Variants in RBFOX2 observed in about 807,000 individuals in gnomAD.
RBFOX2 encodes RNA binding protein fox-1 homolog 2.
RBFOX2 carries 10 observed loss-of-function variants against 49.1 expected under a neutral mutation model. The ratio of observed to expected loss-of-function variants is 0.20; its 90% CI spans 0.13 to 0.35. The LOEUF (loss-of-function observed/expected upper bound fraction) is 0.35. Among genes scored for constraint, RBFOX2 ranks in the 10% least tolerant of loss-of-function variants. The probability of loss-of-function intolerance (pLI) is 1.00; values close to 1 mark genes in which losing one functional copy is unlikely to be tolerated. For missense variants in RBFOX2, 323 were observed against 486.9 expected (o/e 0.66, Z 3.17); for synonymous variants, 183 against 187.4 (o/e 0.98, Z 0.19).
chr22:35,849,288 TACACACACAA>T (rs1414370934), intron 1 of RBFOX2, among the ~76,000 whole-genome samples: 57 of 96,954 alleles, frequency 5.9e-4, no homozygotes, highest in African/African-American at 2.8e-3. Context: ...CACACACACA[TACACACACAA>T]ACACACACAC....
intron 1 of RBFOX2, among the ~76,000 whole-genome samples, chr22:35,903,101 G>T (rs1216533765): frequency 6.6e-6 from 1 of 151,934 alleles, no homozygotes; most frequent in Non-Finnish European, 1.5e-5. Context: ...TCTCCCTCCA[G>T]CTACCTGCTA....
chr22:35,909,549 T>C (rs1417497604), intron 1 of RBFOX2, among the ~76,000 whole-genome samples: 2 of 152,148 alleles, frequency 1.3e-5, no homozygotes, highest in African/African-American at 2.4e-5. Context: ...AAAAGAAAAA[T>C]ACTAAATACA....
chr22:36,023,077 A>C (rs1569524277), intron 1 of RBFOX2, among the ~76,000 whole-genome samples: 3 of 143,992 alleles, frequency 2.1e-5, no homozygotes, highest in South Asian at 2.4e-4. Context: ...GAAAAAAAAA[A>C]CACAATATTT....
chr22:35,842,334 T>G (rs372707543), upstream of RBFOX2, among the ~76,000 whole-genome samples: 1 of 152,184 alleles, frequency 6.6e-6, no homozygotes, highest in African/African-American at 2.4e-5. Flanking sequence ...TAAAGTAATA[T>G]AGATAAGTAC....
chr22:35,803,683 T>A (rs1481689708), intron 2 of RBFOX2, among the ~76,000 whole-genome samples: 1 of 151,350 alleles, frequency 6.6e-6, no homozygotes, highest in African/African-American at 2.4e-5. Flanking sequence ...TCTCAAAAAA[T>A]AATAATAAAA....
chr22:35,750,346 A>T, intron 9 of RBFOX2: 2 of 986,272 alleles, frequency 2.0e-6, no homozygotes, highest in South Asian at 1.6e-5. Flanking sequence ...TATTGCTTTT[A>T]ACCATGCACT....
chr22:36,001,273 A>T (rs2058414282), intron 1 of RBFOX2, among the ~76,000 whole-genome samples: 2 of 152,010 alleles, frequency 1.3e-5, no homozygotes, highest in Non-Finnish European at 2.9e-5. Context: ...TATACACCAC[A>T]AACAAATCCA....
At chr22:35,776,769 G>T (rs2146970755) in intron 4 of RBFOX2, among the ~76,000 whole-genome samples, 1 of 152,214 alleles carries the variant, frequency 6.6e-6, no homozygotes, top group East Asian at 1.9e-4. Flanking sequence ...CAACAGCAAG[G>T]TAAATATTTA....
intron 1 of RBFOX2, among the ~76,000 whole-genome samples, chr22:35,813,108 T>A (rs1952248512): frequency 6.6e-6 from 1 of 152,188 alleles, no homozygotes. Flanking sequence ...CTTACAGAAA[T>A]TTCTTTTAAA....
At chr22:35,894,988 AAAAAG>A (rs887698712) in intron 1 of RBFOX2, among the ~76,000 whole-genome samples, 7 of 151,134 alleles carry the variant, frequency 4.6e-5, no homozygotes, top group South Asian at 2.1e-4. Context: ...TAAAAAAAAA[AAAAAG>A]AAAAGACTGG....
chr22:35,841,590 G>C (rs1420962907), upstream of RBFOX2, among the ~76,000 whole-genome samples: 2 of 151,964 alleles, frequency 1.3e-5, no homozygotes, highest in Admixed American at 6.5e-5. Context: ...ATTTTTTACA[G>C]CATTCTAATA....
intron 1 of RBFOX2, among the ~76,000 whole-genome samples, chr22:35,919,441 G>A (rs1391313124): frequency 6.6e-6 from 1 of 152,176 alleles, no homozygotes; most frequent in African/African-American, 2.4e-5. Context: ...GCTGAGGCAG[G>A]GGGATAGCTT....
At chr22:35,781,698 T>C in exon 3 of RBFOX2, 1 of 1,614,194 alleles carries the variant, frequency 6.2e-7, no homozygotes, top group Non-Finnish European at 8.5e-7. Context: ...TTTTCACTAC[T>C]TTGTGTCTGT....
intron 2 of RBFOX2, among the ~76,000 whole-genome samples, chr22:35,804,365 C>G (rs1036019669): frequency 5.9e-5 from 9 of 152,008 alleles, no homozygotes; most frequent in Non-Finnish European, 8.8e-5. Context: ...TGAAAAACAT[C>G]CCAAATTTGA....
chr22:35,920,017 C>T, intron 1 of RBFOX2, among the ~76,000 whole-genome samples: 1 of 151,616 alleles, frequency 6.6e-6, no homozygotes, highest in Admixed American at 6.6e-5. Flanking sequence ...TAAAACAATA[C>T]ATATACACAG....
At chr22:35,919,895 C>T (rs914610264) in intron 1 of RBFOX2, among the ~76,000 whole-genome samples, 7 of 152,334 alleles carry the variant, frequency 4.6e-5, no homozygotes, top group Non-Finnish European at 7.4e-5. Context: ...ACCTTTCCTA[C>T]GAAAACGACT....
At chr22:35,919,698 T>C (rs1353611412) in intron 1 of RBFOX2, among the ~76,000 whole-genome samples, 2 of 152,166 alleles carry the variant, frequency 1.3e-5, no homozygotes, top group Non-Finnish European at 2.9e-5. Context: ...GTGAATTATA[T>C]CTCAATAAAG....
At chr22:35,972,069 A>T (rs1019584134) in intron 1 of RBFOX2, among the ~76,000 whole-genome samples, 2 of 151,972 alleles carry the variant, frequency 1.3e-5, no homozygotes, top group African/African-American at 4.8e-5. Flanking sequence ...GTCACCACTA[A>T]CAAGATGAGT....
chr22:35,994,142 A>G (rs2058087758), intron 1 of RBFOX2: 2 of 152,050 alleles, frequency 1.3e-5, no homozygotes, highest in Admixed American at 1.3e-4. Context: ...ATATGCCATT[A>G]TGTAATTTAA....
Sources: allele counts gnomAD v4.1 joint callset (sites outside exome capture counted in the v4.1 genomes callset), GRCh38; gene constraint gnomAD v4.1.1; transcripts MANE v1.5; gene names NCBI Gene and HGNC (gene_info 2026-07-23, HGNC 2026-07-21).